The following NUP205 variants were observed in gnomAD, a reference collection of about 807,000 sequenced individuals.
NUP205 encodes nuclear pore complex protein Nup205.
NUP205 carries 76 observed loss-of-function variants against 253.8 expected under a neutral mutation model. The ratio of observed to expected loss-of-function variants is 0.30; its 90% CI spans 0.25 to 0.36. The LOEUF is 0.36. Ranked by LOEUF, NUP205 falls within the 10% of genes least tolerant of loss-of-function variation. NUP205 has a pLI of 1.00. For missense variants in NUP205, 2,162 were observed against 2,425.5 expected (o/e 0.89, Z 2.28); for synonymous variants, 832 against 850.1 (o/e 0.98, Z 0.37).
At chr7:135,602,676 G>A (rs1012139578) in intron 17 of NUP205, 129 bp from the exon 18 acceptor site, 7 of 727,290 alleles carry the variant, frequency 9.6e-6, no homozygotes, top group Non-Finnish European at 1.6e-5. Flanking sequence ...GCTGCTGAAA[G>A]TTGGAAACAA....
At chr7:135,596,288 A>T (rs73725162) in intron 13 of NUP205, among the ~76,000 whole-genome samples, 13,391 of 152,284 alleles carry the variant, frequency 0.088, 755 homozygotes, top group Non-Finnish European at 0.14. Context: ...TGACATACAT[A>T]TCCTGAAGAT....
chr7:135,623,027 C>A, intron 31 of NUP205, 102 bp downstream of exon 31: 1 of 1,241,638 alleles, frequency 8.1e-7, no homozygotes, highest in Non-Finnish European at 1.1e-6. Flanking sequence ...CCTGTAATCT[C>A]AGTGCTTTCG....
intron 33 of NUP205, 150 bp from the exon 34 acceptor site, chr7:135,627,823 C>G (rs190542368): frequency 5.2e-6 from 3 of 580,576 alleles, no homozygotes; most frequent in Non-Finnish European, 8.9e-6. Context: ...TTCTCTGGAC[C>G]GCGGATGTAT....
intron 15 of NUP205, among the ~76,000 whole-genome samples, 175 bp downstream of exon 15, chr7:135,598,382 G>T (rs1280052728): frequency 2.0e-5 from 3 of 152,082 alleles, no homozygotes; most frequent in African/African-American, 7.2e-5. Flanking sequence ...AAATAAGTTT[G>T]GTCATTAAAA....
At chr7:135,571,904 T>C (rs1340660428) in intron 2 of NUP205, among the ~76,000 whole-genome samples, 3 of 152,216 alleles carry the variant, frequency 2.0e-5, no homozygotes, top group Non-Finnish European at 4.4e-5. Flanking sequence ...TGTTGCTCTG[T>C]CCTCCAGACT....
rs145088200 is a variant in NUP205, at chr7:135,634,612, C to T, written c.5060-969C>T. On this transcript the variant is annotated intron_variant, in intron 35 of 42. Coordinates refer to ENST00000285968, the MANE Select transcript of NUP205 (RefSeq NM_015135.3). ...TTTGGAGTACAAGAAAGACTTTAGC[C>T]TATTTTCAAATAGGAAAACTCTTCT... Among the ~76,000 whole-genome samples the T allele has an allele frequency of 2.4e-4, 37 of 152,186 alleles. No individual in the cohort carries two copies. The East Asian group carries it at 6.9e-3, about 29-fold the overall frequency.
intron 41 of NUP205, chr7:135,645,952 G>A: frequency 1.7e-6 from 1 of 592,620 alleles, no homozygotes; most frequent in East Asian, 2.8e-5. Context: ...TAGGTGGAAG[G>A]AAATAGAGAA....
intron 3 of NUP205, among the ~76,000 whole-genome samples, chr7:135,575,611 A>G (rs2129489821): frequency 1.3e-5 from 2 of 152,340 alleles, no homozygotes; most frequent in Non-Finnish European, 2.9e-5. Flanking sequence ...CGTGGTCAAC[A>G]TGGTGAAATG....
chr7:135,646,369 T>G (rs7804936), intron 42 of NUP205, 138 bp downstream of exon 42: 2 of 656,038 alleles, frequency 3.0e-6, no homozygotes, highest in Admixed American at 5.3e-5. Flanking sequence ...TTGAGAGCAG[T>G]CTGGGCAACA....
chr7:135,595,938 A>AT (rs553819414), intron 13 of NUP205, among the ~76,000 whole-genome samples: 6,417 of 147,340 alleles, frequency 0.044, 463 homozygotes, highest in African/African-American at 0.15. Context: ...AGCAAAAAAA[A>AT]TTTTTTTTTT....
chr7:135,567,830 T>A (rs2129489623), intron 1 of NUP205, among the ~76,000 whole-genome samples: 2 of 152,292 alleles, frequency 1.3e-5, no homozygotes, highest in Middle Eastern at 6.8e-3. Context: ...TTTGACCAGT[T>A]TTTCCTTCAG....
At chr7:135,581,722 G>A (rs545672013) in intron 7 of NUP205, among the ~76,000 whole-genome samples, 12 of 151,626 alleles carry the variant, frequency 7.9e-5, no homozygotes, top group African/African-American at 2.4e-4. Flanking sequence ...GCATGGTGGC[G>A]CGTGCCTGTA....
chr7:135,615,902 T>C lies in NUP205; in HGVS notation c.3311-14T>C. 1 of 1,597,304 alleles carries C rather than the reference T, an allele frequency of 6.3e-7. No individual in the cohort carries two copies. Among genetic ancestry groups the C allele is most frequent in the Non-Finnish European group, 8.5e-7 (1 of 1,170,956 alleles). On this transcript the variant is annotated splice_polypyrimidine_tract_variant and intron_variant, in intron 23 of 42. Transcript: ENST00000285968. ...ATTACTCTGGGAAACAAAATTTACA[T>C]GTTTAAATTCTAGAATATGAAATAT...
rs1310834281 is a variant in NUP205, at chr7:135,619,553, C to T, written c.4094C>T (p.Ala1365Val). The T allele has an allele frequency of 1.9e-6, 3 of 1,614,068 alleles. No homozygotes were observed. In the South Asian group the frequency reaches 3.3e-5, roughly 18 times the overall value. The change falls in exon 29 of 43, where the codon GCC (alanine) becomes GTC (valine). Residue 1365 changes from alanine to valine, a missense_variant. This residue lies in a region of NUP205 where 1,144 missense variants were observed against 1,280.9 expected (regional missense o/e 0.89). Coordinates refer to ENST00000285968, the MANE Select transcript of NUP205 (RefSeq NM_015135.3). ...KETSVLGPAEAHYAFMLDSCF... is the reference protein window; with the variant it reads ...KETSVLGPAEVHYAFMLDSCF... ...ACATCAGTCTTGGGACCAGCAGAGG[C>T]CCATTACGCTTTTATGCTTGATAGT...
rs751139668 is a variant in NUP205, at chr7:135,619,854, C to A, written c.4296C>A (p.Ala1432=). ...CTCTGCTTTATTACTTACAGATTGC[C>A]CAGAGACCTGATGAACCAGACACCT... ...YGSLLYYLQI[A]QRPDEPDTLE... Residue 1432 remains alanine, a synonymous_variant, in exon 30 of 43, where the codon GCC becomes GCA. Coordinates refer to ENST00000285968, the MANE Select transcript of NUP205 (RefSeq NM_015135.3). 7 of 1,613,416 alleles carry A rather than the reference C, an allele frequency of 4.3e-6. No individual in the cohort carries two copies. In the South Asian group the frequency reaches 6.6e-5, roughly 15 times the overall value.
chr7:135,598,788 A>G (rs577889731), intron 15 of NUP205: 2 of 152,654 alleles, frequency 1.3e-5, no homozygotes, highest in Admixed American at 6.5e-5. Flanking sequence ...TAATATTCCC[A>G]TTTTACAGAT....
chr7:135,599,862 C>G (rs1793926658), intron 15 of NUP205, among the ~76,000 whole-genome samples: 1 of 152,154 alleles, frequency 6.6e-6, no homozygotes, highest in East Asian at 1.9e-4. Context: ...ACAAACAGTG[C>G]TTTGGATTGA....
intron 1 of NUP205, among the ~76,000 whole-genome samples, chr7:135,559,043 C>A (rs1321925439): frequency 6.6e-6 from 1 of 152,176 alleles, no homozygotes; most frequent in East Asian, 1.9e-4. Context: ...CACTTATTAT[C>A]GTGCTTATCT....
chr7:135,571,268 GT>G, intron 2 of NUP205, 21 bp downstream of exon 2: 5 of 1,337,272 alleles, frequency 3.7e-6, no homozygotes, highest in Admixed American at 3.0e-5. Context: ...TTCTTTTTCA[GT>G]TTTTTTGGGA....
Sources: allele counts gnomAD v4.1 joint callset (sites outside exome capture counted in the v4.1 genomes callset), GRCh38; gene constraint gnomAD v4.1.1; regional missense constraint gnomAD v4.1.1; transcripts MANE v1.5; gene names NCBI Gene and HGNC (gene_info 2026-07-23, HGNC 2026-07-21).